The following KCNH7 variants were observed in gnomAD, a reference collection of about 807,000 sequenced individuals.
KCNH7 encodes potassium voltage-gated channel subfamily H member 7, also known as voltage-gated inwardly rectifying potassium channel KCNH7.
A neutral mutation model predicts 120.8 loss-of-function variants in KCNH7; 49 were observed. The ratio of observed to expected loss-of-function variants is 0.41; its 90% CI spans 0.32 to 0.51. KCNH7 has a LOEUF of 0.51. Among genes scored for constraint, KCNH7 ranks in the 20% least tolerant of loss-of-function variants. The pLI, the probability that KCNH7 is intolerant of heterozygous loss-of-function variation, is 0.38. For synonymous variants in KCNH7, 547 were observed against 516.1 expected, an observed-to-expected ratio of 1.06 and a Z score of -0.81; for missense variants, 1,097 against 1,446.6, an observed-to-expected ratio of 0.76 and a Z score of 3.92.
At chr2:162,463,250 T>C (rs2105611838) in intron 6 of KCNH7, among the ~76,000 whole-genome samples, 1 of 152,048 alleles carries the variant, frequency 6.6e-6, no homozygotes, top group Non-Finnish European at 1.5e-5. Flanking sequence ...ATAGGCCAAT[T>C]CCACAGAACC....
At chr2:162,598,046 C>A (rs1183179257) in intron 2 of KCNH7, among the ~76,000 whole-genome samples, 1 of 152,016 alleles carries the variant, frequency 6.6e-6, no homozygotes, top group Non-Finnish European at 1.5e-5. Context: ...TTCCCCTTTA[C>A]CTGCATTTAT....
At chr2:162,472,584 A>G (rs1689581954) in intron 6 of KCNH7, among the ~76,000 whole-genome samples, 1 of 152,206 alleles carries the variant, frequency 6.6e-6, no homozygotes, top group Non-Finnish European at 1.5e-5. Flanking sequence ...AAAAGTCAGG[A>G]AACGACAGGT....
intron 2 of KCNH7, among the ~76,000 whole-genome samples, chr2:162,760,180 A>G (rs1260810339): frequency 7.9e-5 from 12 of 152,118 alleles, no homozygotes; most frequent in Admixed American, 2.0e-4. Context: ...TTCAGTGGAA[A>G]TCTAACGCAG....
chr2:162,514,117 A>G (rs1429418744), intron 4 of KCNH7, among the ~76,000 whole-genome samples: 2 of 151,842 alleles, frequency 1.3e-5, no homozygotes, highest in African/African-American at 4.8e-5. Context: ...CCCATTTAAA[A>G]TCTTGGGATA....
At chr2:162,761,866 C>T (rs1184203955) in intron 2 of KCNH7, among the ~76,000 whole-genome samples, 1 of 152,092 alleles carries the variant, frequency 6.6e-6, no homozygotes, top group African/African-American at 2.4e-5. Context: ...AACCTCTCCC[C>T]TTCCTAGAGT....
chr2:162,704,383 A>C (rs2105348025), intron 2 of KCNH7, among the ~76,000 whole-genome samples: 1 of 152,302 alleles, frequency 6.6e-6, no homozygotes, highest in East Asian at 1.9e-4. Flanking sequence ...CAATTATTGA[A>C]ATCTTAGGAA....
At chr2:162,491,174 T>C (rs533660059) in intron 6 of KCNH7, among the ~76,000 whole-genome samples, 1 of 152,276 alleles carries the variant, frequency 6.6e-6, no homozygotes, top group Non-Finnish European at 1.5e-5. Flanking sequence ...CCTCCTCTGG[T>C]TGAGCCAAGA....
At chr2:162,807,626 A>G (rs1379298929) in intron 2 of KCNH7, among the ~76,000 whole-genome samples, 1 of 152,112 alleles carries the variant, frequency 6.6e-6, no homozygotes. Context: ...ATAGTTTATA[A>G]ACCATGAGCC....
intron 2 of KCNH7, among the ~76,000 whole-genome samples, chr2:162,799,505 T>C (rs1329725242): frequency 6.6e-6 from 1 of 152,014 alleles, no homozygotes; most frequent in South Asian, 2.1e-4. Flanking sequence ...CTTTAATATT[T>C]AGAATACTGT....
intron 2 of KCNH7, among the ~76,000 whole-genome samples, chr2:162,539,866 A>G (rs1303838660): frequency 6.6e-6 from 1 of 152,118 alleles, no homozygotes; most frequent in South Asian, 2.1e-4. Context: ...AAGGAGATAC[A>G]TGGAATTTAG....
At chr2:162,435,736 C>T (rs531196628) in intron 7 of KCNH7, 139 bp from the exon 8 acceptor site, 31 of 822,518 alleles carry the variant, frequency 3.8e-5, no homozygotes, top group Non-Finnish European at 5.2e-5. Flanking sequence ...CAGTATTAAA[C>T]TTGGTTCTTT....
intron 12 of KCNH7, among the ~76,000 whole-genome samples, chr2:162,389,194 GGA>G (rs1179980240): frequency 6.6e-6 from 1 of 151,742 alleles, no homozygotes; most frequent in Non-Finnish European, 1.5e-5. Context: ...TCTTTAAAAT[GGA>G]GCATATTGTG....
At chr2:162,498,491 T>TGG (rs565323164) in intron 6 of KCNH7, among the ~76,000 whole-genome samples, 2 of 14,472 alleles carry the variant, frequency 1.4e-4, no homozygotes, top group African/African-American at 1.9e-4. Context: ...TCTGTGTGTG[T>TGG]GGGGGGGAGG....
chr2:162,830,516 T>C (rs1392814994), intron 2 of KCNH7, among the ~76,000 whole-genome samples: 1 of 152,172 alleles, frequency 6.6e-6, no homozygotes, highest in Non-Finnish European at 1.5e-5. Flanking sequence ...AAGTGAGGCA[T>C]GAAGAAGGTA....
chr2:162,669,367 C>A (rs1685256673), intron 2 of KCNH7, among the ~76,000 whole-genome samples: 1 of 152,082 alleles, frequency 6.6e-6, no homozygotes, highest in African/African-American at 2.4e-5. Flanking sequence ...GACATATTAG[C>A]TTCAAAGGAA....
chr2:162,428,644 T>C (rs895767103), intron 8 of KCNH7, among the ~76,000 whole-genome samples: 6 of 151,962 alleles, frequency 3.9e-5, no homozygotes, highest in African/African-American at 1.2e-4. Flanking sequence ...ACTATAATTA[T>C]GAATTTGTCT....
chr2:162,582,126 G>C (rs557444011), intron 2 of KCNH7, among the ~76,000 whole-genome samples: 18 of 152,184 alleles, frequency 1.2e-4, no homozygotes, highest in African/African-American at 4.3e-4. Context: ...GATTTAAAGA[G>C]AGGTGATTCT....
At chr2:162,447,549 T>C (rs1688623578) in intron 6 of KCNH7, among the ~76,000 whole-genome samples, 1 of 152,108 alleles carries the variant, frequency 6.6e-6, no homozygotes, top group South Asian at 2.1e-4. Flanking sequence ...ATACAATGGC[T>C]CTATTTCAAA....
rs1200818499 is a variant in KCNH7 at position 162,605,225 on chromosome 2, G to C, written c.308-68145C>G. On this transcript the variant is annotated intron_variant, in intron 2 of 15. Coordinates refer to ENST00000332142, the MANE Select transcript of KCNH7 (RefSeq NM_033272.4). ...AGACATGCCAATCTTTCTTCATCCT[G>C]TAGTGGAAATGAATGAAGTTCAACA... Among the ~76,000 whole-genome samples the C allele has an allele frequency of 2.6e-5, 4 of 152,160 alleles. 1 individual carries two copies. The East Asian group carries it at 7.7e-4, about 29-fold the overall frequency.
Sources: allele counts gnomAD v4.1 joint callset (sites outside exome capture counted in the v4.1 genomes callset), GRCh38; gene constraint gnomAD v4.1.1; transcripts MANE v1.5; gene names NCBI Gene and HGNC (gene_info 2026-07-23, HGNC 2026-07-21).